LRR1: variants seen among roughly 807,000 people sequenced by gnomAD.
LRR1 encodes leucine rich repeat protein 1.
LRR1 carries 29 observed loss-of-function variants against 31.6 expected under a neutral mutation model. The observed-to-expected ratio is 0.92, with a 90% confidence interval of 0.68 to 1.25. LRR1 has a LOEUF of 1.25. Among genes scored for constraint, LRR1 ranks in the 50% most tolerant of loss-of-function variants. The pLI, the probability that LRR1 is intolerant of heterozygous loss-of-function variation, is 0.00. For missense variants in LRR1, 485 were observed against 487.2 expected, an observed-to-expected ratio of 1.00 and a Z score of 0.04; for synonymous variants, 179 against 181.4, an observed-to-expected ratio of 0.99 and a Z score of 0.10.
At chr14:49,612,356 G>C (rs945876999) in intron 3 of LRR1, 5 of 578,246 alleles carry the variant, frequency 8.6e-6, no homozygotes, top group African/African-American at 8.1e-5. Flanking sequence ...TTGATAAATG[G>C]CTCTAACTAC....
intron 2 of LRR1, among the ~76,000 whole-genome samples, chr14:49,606,581 C>T (rs919736904): frequency 1.3e-5 from 2 of 151,722 alleles, no homozygotes; most frequent in Admixed American, 6.6e-5. Context: ...TCAAGTAATC[C>T]GCCTGCCTTG....
chr14:49,600,879 G>A, intron 1 of LRR1: 2 of 1,261,230 alleles, frequency 1.6e-6, no homozygotes, highest in Non-Finnish European at 2.2e-6. Context: ...AGTTTAAAAA[G>A]CTACAATCAC....
Position 49,603,582 on chromosome 14 carries a change from G to C in LRR1, c.282+1114G>C, listed in dbSNP as rs768027439. ...GTCTCATTCTGTCACCCAGGTTGGA[G>C]TGCAGTGGGAAGAGCTTGGTTCACT... On this transcript the variant is annotated intron_variant, in intron 2 of 3. Transcript: ENST00000298288. 1.3e-5 allele frequency: 11 copies of C among 879,644 alleles called. No homozygotes were observed. In the African/African-American group the frequency reaches 2.1e-4, roughly 17 times the overall value. The allele number at this position is 879,644 out of a possible 1,614,324, so 54.5% of individuals were successfully genotyped here.
chr14:49,608,160 A>T (rs1001616044), intron 3 of LRR1, 39 bp downstream of exon 3: 2 of 1,501,564 alleles, frequency 1.3e-6, no homozygotes, highest in African/African-American at 2.8e-5. Flanking sequence ...TGTCTTTGAT[A>T]GCATTCTAAT....
intron 1 of LRR1, chr14:49,601,106 A>G (rs1882034816): frequency 3.1e-6 from 5 of 1,611,186 alleles, no homozygotes; most frequent in Non-Finnish European, 3.4e-6. Flanking sequence ...CCAAGCGTAC[A>G]GGAGATGGGC....
chr14:49,601,700 G>A (rs1280733937), intron 1 of LRR1: 5 of 1,287,682 alleles, frequency 3.9e-6, no homozygotes, highest in Non-Finnish European at 5.1e-6. Flanking sequence ...GTTGGAATGG[G>A]AGAAAAGGAG....
chr14:49,603,408 C>A, intron 2 of LRR1: 2 of 179,054 alleles, frequency 1.1e-5, no homozygotes, highest in Non-Finnish European at 2.3e-5. Context: ...CACAGGTCTA[C>A]ATTTTGCCAG....
intron 3 of LRR1, 98 bp downstream of exon 3, chr14:49,608,219 A>C (rs1052106874): frequency 1.6e-6 from 2 of 1,229,456 alleles, no homozygotes; most frequent in African/African-American, 1.5e-5. Context: ...TTACAGTGCT[A>C]TGCACAGTCT....
At chr14:49,609,759 G>C (rs1882443965) in intron 3 of LRR1, among the ~76,000 whole-genome samples, 1 of 151,710 alleles carries the variant, frequency 6.6e-6, no homozygotes, top group South Asian at 2.1e-4. Flanking sequence ...AGGTTGGAGT[G>C]CAGTGGCATG....
At chr14:49,608,571 C>T (rs1594589706) in intron 3 of LRR1, among the ~76,000 whole-genome samples, 1 of 151,394 alleles carries the variant, frequency 6.6e-6, no homozygotes, top group Non-Finnish European at 1.5e-5. Context: ...CCACTATTTC[C>T]CTAGGATCTA....
At chr14:49,603,790 T>G (rs1163565288) in intron 2 of LRR1, among the ~76,000 whole-genome samples, 1 of 140,396 alleles carries the variant, frequency 7.1e-6, no homozygotes, top group African/African-American at 2.6e-5. Flanking sequence ...ACCTCCCGGG[T>G]TCAAGCGATT....
chr14:49,599,270 C>T (rs1024310707), intron 1 of LRR1, 67 bp downstream of exon 1: 1 of 1,482,064 alleles, frequency 6.7e-7, no homozygotes, highest in Non-Finnish European at 9.0e-7. Flanking sequence ...GGGCCACCCT[C>T]GGTCCTCATG....
In LRR1 at chr14:49,600,098, G is replaced by A. The variant is rs1347574668; in HGVS notation, c.183+895G>A. ...TGAGCTGTGCCAACGACGCCTTCCC[G>A]GAGGAGTACGTGCCCACCGTCTTCG... On this transcript the variant is annotated intron_variant, in intron 1 of 3. Coordinates refer to ENST00000298288, the MANE Select transcript of LRR1 (RefSeq NM_152329.4). 7.5e-6 allele frequency: 12 copies of A among 1,592,612 alleles called. 1 individual carries two copies. The South Asian group carries it at 1.1e-4, about 15-fold the overall frequency.
rs1470525651 is a variant in LRR1, at chr14:49,614,527, A to G, written c.*31A>G. 6.2e-7 allele frequency: 1 copy of G among 1,612,566 alleles called. No individual in the cohort carries two copies. Among genetic ancestry groups the G allele is most frequent in the Non-Finnish European group, 8.5e-7 (1 of 1,179,684 alleles). ...GAGACCAGAAAAAGAAATTTCAATAACAGATCAGTTTGGGGTGCATGTATG... is the reference window on the plus strand; with the variant it reads ...GAGACCAGAAAAAGAAATTTCAATAGCAGATCAGTTTGGGGTGCATGTATG... On this transcript the variant is annotated 3_prime_UTR_variant, in exon 4 of 4. Transcript: ENST00000298288.
At chr14:49,600,198 G>T in intron 1 of LRR1, 3 of 1,478,298 alleles carry the variant, frequency 2.0e-6, no homozygotes, top group Non-Finnish European at 2.8e-6. Flanking sequence ...CGGACAGGAA[G>T]ACTATGACCA....
At chr14:49,600,289 T>C (rs374925503) in intron 1 of LRR1, 1 of 1,486,450 alleles carries the variant, frequency 6.7e-7, no homozygotes. Flanking sequence ...TTTCAAAATG[T>C]GAGGGAGGAG....
chr14:49,607,822 G>A lies in LRR1; in HGVS notation c.705G>A (p.Lys235=), dbSNP rs1882344330. The A allele has an allele frequency of 6.2e-7, 1 of 1,614,112 alleles. No homozygotes were observed. Among genetic ancestry groups the A allele is most frequent in the Non-Finnish European group, 8.5e-7 (1 of 1,179,998 alleles). The change falls in exon 3 of 4, where the codon AAG becomes AAA. Residue 235 remains lysine, a synonymous_variant. Transcript: ENST00000298288. The part of the protein sequence containing the change: ...QKSLRSLDLS[K]NKIKALPVQF... ...CACTTCGGAGTTTGGACCTCAGCAA[G>A]AACAAAATCAAGGCACTCCCTGTGC...
Position 49,607,893 on chromosome 14 carries a change from A to G in LRR1, c.776A>G (p.Asn259Ser), listed in dbSNP as rs765023283. Residue 259 changes from asparagine (N) to serine (S), a missense_variant, in exon 3 of 4, where the codon AAT becomes AGT. Around this residue, in one of 3 missense-constraint regions of LRR1, gnomAD observed 210 missense variants for 200.4 expected, o/e 1.05. Transcript: ENST00000298288. Reference sequence around the variant, plus strand: ...CTTAAGAATTTAAAACTTGACGATAATGAATTGATTCAATTTCCTTGCAAG... The same window carrying G: ...CTTAAGAATTTAAAACTTGACGATAGTGAATTGATTCAATTTCCTTGCAAG... ...QELKNLKLDDNELIQFPCKIG... is the reference protein window; with the variant it reads ...QELKNLKLDDSELIQFPCKIG... 26 of 1,613,118 alleles carry G rather than the reference A, an allele frequency of 1.6e-5. No homozygotes were observed. Among genetic ancestry groups the G allele is most frequent in the Non-Finnish European group, 2.0e-5 (24 of 1,179,396 alleles).
chr14:49,600,297 G>T (rs139404503), intron 1 of LRR1: 1 of 1,493,838 alleles, frequency 6.7e-7, no homozygotes, highest in East Asian at 2.3e-5. Context: ...TGTGAGGGAG[G>T]AGTGGGTACC....
Sources: gnomAD v4.1 joint callset for allele counts (sites outside exome capture counted in the v4.1 genomes callset) on GRCh38, gnomAD v4.1.1 for gene constraint, gnomAD v4.1.1 regional missense constraint, MANE v1.5 for transcripts, NCBI Gene and HGNC (gene_info 2026-07-23, HGNC 2026-07-21) for gene names.